ERG28: variants seen among roughly 807,000 people sequenced by gnomAD.
ERG28 encodes the protein ergosterol biosynthetic protein 28 homolog.
A neutral mutation model predicts 15.7 loss-of-function variants in ERG28; 9 were observed. That is an observed-to-expected ratio of 0.57 (90% CI 0.35 to 1.00). The LOEUF (loss-of-function observed/expected upper bound fraction) is 1.00, where lower values mean the gene tolerates loss of function less well. Among genes scored for constraint, ERG28 ranks in the 50% least tolerant of loss-of-function variants. The probability of loss-of-function intolerance (pLI) is 0.02; values close to 1 mark genes in which losing one functional copy is unlikely to be tolerated. For missense variants in ERG28, 117 were observed against 173.3 expected (o/e 0.68, Z 1.82); for synonymous variants, 61 against 68.4 (o/e 0.89, Z 0.53).
chr14:75,654,885 C>T lies in ERG28; in HGVS notation c.224+1G>A, dbSNP rs1419310133. Reference sequence around the variant, plus strand: ...CTAAAGCTCTTCCTTCCCTTACATACGTCTTGTTGTGAATGTCAATGGCAC... The same window carrying T: ...CTAAAGCTCTTCCTTCCCTTACATATGTCTTGTTGTGAATGTCAATGGCAC... On this transcript the variant is annotated splice_donor_variant, in intron 3 of 4. Coordinates refer to ENST00000256319, the MANE Select transcript of ERG28 (RefSeq NM_007176.4). LOFTEE classifies it high-confidence loss of function. 10 of 1,610,480 alleles carry T rather than the reference C, an allele frequency of 6.2e-6. No individual in the cohort carries two copies. The highest frequency in any genetic ancestry group is 8.5e-6 in the Non-Finnish European group (10 of 1,176,680).
chr14:75,651,733 C>A, intron 4 of ERG28, 38 bp downstream of exon 4: 1 of 1,595,792 alleles, frequency 6.3e-7, no homozygotes, highest in Admixed American at 1.7e-5. Flanking sequence ...AGAGCTGGCA[C>A]AGCTCCTGTA....
In ERG28 at chr14:75,655,116, G is replaced by C. The variant is rs1890581295; in HGVS notation, c.134-140C>G. ...GTGGCTGGGCAGGATGGAGGTCCTAGTGGCAACATGGGAACTAGAAGGAAT... is the reference window on the plus strand; with the variant it reads ...GTGGCTGGGCAGGATGGAGGTCCTACTGGCAACATGGGAACTAGAAGGAAT... On this transcript the variant is annotated intron_variant, in intron 2 of 4. Transcript: ENST00000256319. The C allele has an allele frequency of 1.1e-5, 8 of 722,948 alleles. No homozygotes were observed. The Admixed American group carries it at 1.8e-4, about 16-fold the overall frequency. The allele number at this position is 722,948 out of a possible 1,614,324, so 44.8% of individuals were successfully genotyped here. A position where few individuals can be genotyped will look rare whatever the true frequency, so the allele number is the denominator to read the frequency against.
At chr14:75,656,279 AAC>A (rs34053718) in intron 2 of ERG28, among the ~76,000 whole-genome samples, 18,411 of 135,634 alleles carry the variant, frequency 0.14, 1,318 homozygotes, top group Admixed American at 0.25. Context: ...GTGCTGGCTG[AAC>A]ACACACACAC....
intron 1 of ERG28, among the ~76,000 whole-genome samples, chr14:75,658,031 C>G (rs1890619991): frequency 6.6e-6 from 1 of 152,144 alleles, no homozygotes; most frequent in African/African-American, 2.4e-5. Context: ...TGCTGTGTGT[C>G]AACTCCAAAT....
chr14:75,656,879 A>G (rs932057722), intron 2 of ERG28, among the ~76,000 whole-genome samples: 1 of 152,182 alleles, frequency 6.6e-6, no homozygotes, highest in African/African-American at 2.4e-5. Context: ...AACATGGAAT[A>G]TGAGTCATGT....
intron 3 of ERG28, among the ~76,000 whole-genome samples, chr14:75,652,504 G>C (rs891117314): frequency 1.3e-5 from 2 of 152,220 alleles, no homozygotes; most frequent in African/African-American, 4.8e-5. Context: ...GTAGAGAAGA[G>C]ACAGGCTACT....
chr14:75,649,927 A>C lies in ERG28; in HGVS notation c.*1628T>G, dbSNP rs1013122473. ...AAGACATTTAACTCCTGGGCATTCAAGTCTCAGCTCAAATCCCACCTCTTA... is the reference window on the plus strand; with the variant it reads ...AAGACATTTAACTCCTGGGCATTCACGTCTCAGCTCAAATCCCACCTCTTA... On this transcript the variant is annotated 3_prime_UTR_variant, in exon 5 of 5. Transcript: ENST00000256319. The C allele has an allele frequency of 6.6e-6, 1 of 152,200 alleles. No individual in the cohort carries two copies. Among genetic ancestry groups the C allele is most frequent in the Non-Finnish European group, 1.5e-5 (1 of 68,082 alleles). The allele number at this position is 152,200 out of a possible 1,614,324, so 9.4% of individuals were successfully genotyped here. A position where few individuals can be genotyped will look rare whatever the true frequency, so the allele number is the denominator to read the frequency against.
intron 2 of ERG28, among the ~76,000 whole-genome samples, chr14:75,655,308 AG>A (rs1019177043): frequency 1.3e-5 from 2 of 152,220 alleles, no homozygotes; most frequent in African/African-American, 4.8e-5. Flanking sequence ...GGATCAGGAC[AG>A]GTTTTGGGGA....
intron 1 of ERG28, among the ~76,000 whole-genome samples, chr14:75,659,098 C>T (rs774296549): frequency 1.2e-4 from 18 of 152,180 alleles, no homozygotes; most frequent in Middle Eastern, 6.8e-3. Context: ...GGTAAGCAGG[C>T]ACTATTAATA....
chr14:75,655,128 G>T, intron 2 of ERG28, 152 bp from the exon 3 acceptor site: 1 of 666,488 alleles, frequency 1.5e-6, no homozygotes, highest in Middle Eastern at 3.1e-4. Flanking sequence ...GGCAACATGG[G>T]AACTAGAAGG....
Position 75,651,731 on chromosome 14 carries a change from C to T in ERG28, c.343+40G>A, listed in dbSNP as rs200243333. 3.1e-6 allele frequency: 5 copies of T among 1,592,200 alleles called. No individual in the cohort carries two copies. In the Admixed American group the frequency reaches 6.7e-5, roughly 21 times the overall value. ...CCCTCTGTACTAGCTCTAGAGCTGG[C>T]ACAGCTCCTGTAGGAGGTCTAGGGT... On this transcript the variant is annotated intron_variant, in intron 4 of 4. Transcript: ENST00000256319.
rs370445094 is a variant in ERG28 at position 75,651,899 on chromosome 14, A to G, written c.225-10T>C. ...TGTGATGTGATAGAGCCTATAAGGA[A>G]GCAGACAGAAATGGGAACCAAAGTT... On this transcript the variant is annotated splice_polypyrimidine_tract_variant and intron_variant, in intron 3 of 4. Transcript: ENST00000256319. 22 of 1,589,000 alleles carry G rather than the reference A, an allele frequency of 1.4e-5. No individual in the cohort carries two copies. Among genetic ancestry groups the G allele is most frequent in the Non-Finnish European group, 1.8e-5 (21 of 1,157,256 alleles).
At chr14:75,651,705 A>T in intron 4 of ERG28, 66 bp downstream of exon 4, 3 of 1,590,918 alleles carry the variant, frequency 1.9e-6, no homozygotes, top group Non-Finnish European at 2.6e-6. Context: ...TCCTGTGTCC[A>T]CCCTCTGTAC....
At chr14:75,655,299 G>C (rs1890583259) in intron 2 of ERG28, among the ~76,000 whole-genome samples, 3 of 152,194 alleles carry the variant, frequency 2.0e-5, no homozygotes, top group Non-Finnish European at 4.4e-5. Flanking sequence ...AGAGGGTCTG[G>C]ATCAGGACAG....
chr14:75,655,506 G>T (rs1890585697), intron 2 of ERG28, among the ~76,000 whole-genome samples: 1 of 152,194 alleles, frequency 6.6e-6, no homozygotes, highest in African/African-American at 2.4e-5. Context: ...CCAATACCAG[G>T]TTGGTTTCCT....
chr14:75,654,376 G>A (rs1000093632), intron 3 of ERG28, among the ~76,000 whole-genome samples: 1 of 152,164 alleles, frequency 6.6e-6, no homozygotes, highest in African/African-American at 2.4e-5. Flanking sequence ...TTCCACCCTG[G>A]TCTGTTTGAG....
At chr14:75,655,100 C>A (rs1890581083) in intron 2 of ERG28, 124 bp from the exon 3 acceptor site, 14 of 883,498 alleles carry the variant, frequency 1.6e-5, no homozygotes, top group Non-Finnish European at 2.6e-5. Context: ...TGTGGCTGGG[C>A]AGGATGGAGG....
rs1890523792 is a variant in ERG28, at chr14:75,651,380, A to G, written c.*175T>C. On this transcript the variant is annotated 3_prime_UTR_variant, in exon 5 of 5. Transcript: ENST00000256319. ...AAATTATTCTTTAAATTGTACGTAC[A>G]TGTTATATACTTTTCAGTATGCATA... is the stretch of plus-strand genomic sequence containing the variant. 4 of 545,362 alleles carry G rather than the reference A, an allele frequency of 7.3e-6. No homozygotes were observed. In the Admixed American group the frequency reaches 1.2e-4, roughly 16 times the overall value. 33.8% of individuals were successfully genotyped at this position (545,362 alleles called of 1,614,324 possible). A position where few individuals can be genotyped will look rare whatever the true frequency, so the allele number is the denominator to read the frequency against.
At chr14:75,659,707 G>A (rs2063601855) in intron 1 of ERG28, among the ~76,000 whole-genome samples, 2 of 151,990 alleles carry the variant, frequency 1.3e-5, no homozygotes, top group South Asian at 4.2e-4. Flanking sequence ...CTTGGTCCAC[G>A]GTTTATCTGT....
Sources: gnomAD v4.1 joint callset for allele counts (sites outside exome capture counted in the v4.1 genomes callset) on GRCh38, gnomAD v4.1.1 for gene constraint, MANE v1.5 for transcripts, NCBI Gene and HGNC (gene_info 2026-07-23, HGNC 2026-07-21) for gene names.